The following PACRG variants were observed in gnomAD, a reference collection of about 807,000 sequenced individuals.
PACRG encodes the protein parkin coregulated.
Under a neutral mutation model 29.7 loss-of-function variants are expected in PACRG, and 29 were observed. The ratio of observed to expected loss-of-function variants is 0.98; its 90% CI spans 0.73 to 1.33. PACRG has a LOEUF of 1.33. Ranked by LOEUF, PACRG falls within the 40% of genes most tolerant of loss-of-function variation. The pLI is 0.00. For synonymous variants in PACRG, 116 were observed against 118.7 expected (o/e 0.98, Z 0.15); for missense variants, 279 against 316.2 (o/e 0.88, Z 0.89).
chr6:162,942,903 A>T (rs1798732767), intron 2 of PACRG, among the ~76,000 whole-genome samples: 1 of 152,250 alleles, frequency 6.6e-6, no homozygotes, highest in Non-Finnish European at 1.5e-5. Flanking sequence ...TAAGAAAGAC[A>T]CTGGAATTCA....
chr6:163,135,220 G>A lies in PACRG; in HGVS notation c.613+45812G>A, dbSNP rs748091018. On this transcript the variant is annotated intron_variant, in intron 4 of 4. Transcript: ENST00000366888. ...TTTTTTTAATTTTAGACAGAGTCTC[G>A]TTCTGTTGCCTGGGCTGGAGTACAG... is the stretch of plus-strand genomic sequence containing the variant. Among the ~76,000 whole-genome samples the A allele has an allele frequency of 7.2e-4, 105 of 146,486 alleles. 2 individuals are homozygous for A. The Admixed American group carries it at 7.2e-3, about 10-fold the overall frequency.
At chr6:162,938,331 T>C (rs552748537) in intron 2 of PACRG, among the ~76,000 whole-genome samples, 10 of 152,380 alleles carry the variant, frequency 6.6e-5, no homozygotes, top group African/African-American at 2.4e-4. Context: ...TCCATGTTTT[T>C]GCAATTGGGA....
intron 4 of PACRG, among the ~76,000 whole-genome samples, chr6:163,128,265 A>C (rs1816595359): frequency 6.6e-6 from 1 of 152,238 alleles, no homozygotes; most frequent in South Asian, 2.1e-4. Context: ...GAGTTTAAGC[A>C]TCCTCCTAAA....
chr6:163,308,889 G>A (rs1214360505), intron 4 of PACRG, among the ~76,000 whole-genome samples: 1 of 152,148 alleles, frequency 6.6e-6, no homozygotes, highest in East Asian at 1.9e-4. Context: ...GACTGATGAC[G>A]TCAAAGGTTA....
chr6:163,278,948 T>C (rs1784141398), intron 4 of PACRG, among the ~76,000 whole-genome samples: 1 of 152,226 alleles, frequency 6.6e-6, no homozygotes, highest in South Asian at 2.1e-4. Context: ...ACAATATTGA[T>C]TCTACCCACC....
At chr6:162,944,304 G>A (rs549614611) in intron 2 of PACRG, among the ~76,000 whole-genome samples, 1 of 152,240 alleles carries the variant, frequency 6.6e-6, no homozygotes, top group Admixed American at 6.5e-5. Context: ...AACATCATAG[G>A]TACATCTTGA....
chr6:163,276,297 G>A (rs958567708), intron 4 of PACRG, among the ~76,000 whole-genome samples: 1 of 152,134 alleles, frequency 6.6e-6, no homozygotes, highest in Non-Finnish European at 1.5e-5. Flanking sequence ...CAAAGTGCTG[G>A]AATTACAGGC....
intron 1 of PACRG, among the ~76,000 whole-genome samples, chr6:162,790,608 G>A (rs751120309): frequency 1.7e-4 from 26 of 151,758 alleles, no homozygotes; most frequent in African/African-American, 4.8e-4. Context: ...TTAATCACCC[G>A]TACTGCCCTT....
At chr6:163,180,454 A>G (rs1779600824) in intron 4 of PACRG, among the ~76,000 whole-genome samples, 1 of 152,140 alleles carries the variant, frequency 6.6e-6, no homozygotes, top group African/African-American at 2.4e-5. Context: ...AGAGTATGGA[A>G]AACACTGCTA....
intron 2 of PACRG, among the ~76,000 whole-genome samples, chr6:162,875,302 C>G (rs1197629639): frequency 3.3e-5 from 5 of 151,516 alleles, no homozygotes; most frequent in Non-Finnish European, 7.4e-5. Context: ...CACATGCACA[C>G]ACAGACATGC....
intron 4 of PACRG, among the ~76,000 whole-genome samples, chr6:163,307,085 A>G (rs2128192013): frequency 6.6e-6 from 1 of 152,314 alleles, no homozygotes; most frequent in South Asian, 2.1e-4. Flanking sequence ...AGTGTTGTAC[A>G]TTTCATAGAT....
At chr6:163,169,058 T>C (rs553747548) in intron 4 of PACRG, among the ~76,000 whole-genome samples, 13 of 152,348 alleles carry the variant, frequency 8.5e-5, no homozygotes, top group Non-Finnish European at 1.3e-4. Flanking sequence ...ATGGTCCTAA[T>C]TGTGTTATTA....
At chr6:163,071,265 T>A (rs1812025726) in intron 3 of PACRG, among the ~76,000 whole-genome samples, 1 of 110 alleles carries the variant, frequency 9.1e-3, no homozygotes. Flanking sequence ...AACATGTGGA[T>A]CATCTCAAGG....
intron 4 of PACRG, among the ~76,000 whole-genome samples, chr6:163,202,425 A>G (rs1291990176): frequency 2.0e-5 from 3 of 152,044 alleles, no homozygotes; most frequent in Non-Finnish European, 4.4e-5. Context: ...ATGTGTATAT[A>G]TGTGTATGTG....
intron 1 of PACRG, among the ~76,000 whole-genome samples, chr6:162,812,407 A>T (rs1389022183): frequency 1.3e-5 from 2 of 152,110 alleles, no homozygotes; most frequent in South Asian, 2.1e-4. Context: ...TTTGCACTAT[A>T]CACTGGCACT....
intron 4 of PACRG, among the ~76,000 whole-genome samples, chr6:163,251,642 T>G (rs150713470): frequency 1.3e-4 from 20 of 152,314 alleles, no homozygotes; most frequent in African/African-American, 4.3e-4. Flanking sequence ...TCCCTGTTAC[T>G]CATCCATTCT....
chr6:162,879,026 A>G (rs771115243), intron 2 of PACRG, among the ~76,000 whole-genome samples: 78 of 152,234 alleles, frequency 5.1e-4, no homozygotes, highest in Non-Finnish European at 8.2e-4. Context: ...TTGCATACAA[A>G]GGAGGAATCT....
intron 2 of PACRG, among the ~76,000 whole-genome samples, chr6:162,995,477 G>A (rs377318966): frequency 7.2e-5 from 11 of 152,316 alleles, no homozygotes; most frequent in South Asian, 2.1e-4. Flanking sequence ...GAAAAGCGCA[G>A]TATTCGGGTG....
rs541135675 is a variant in PACRG at position 162,896,563 on chromosome 6, A to G, written c.291+82282A>G. Among the ~76,000 whole-genome samples, 83 of 152,356 alleles carry G rather than the reference A, an allele frequency of 5.4e-4. 2 individuals carry two copies. In the South Asian group the frequency reaches 0.017, roughly 32 times the overall value. ...TGGATGTGTAAGAATTATAAAATGT[A>G]TAGGCTACCTGGGAAAACTATGATA... On this transcript the variant is annotated intron_variant, in intron 2 of 4. Transcript: ENST00000366888.
Sources: allele counts gnomAD v4.1 joint callset (sites outside exome capture counted in the v4.1 genomes callset), GRCh38; gene constraint gnomAD v4.1.1; transcripts MANE v1.5; gene names NCBI Gene and HGNC (gene_info 2026-07-23, HGNC 2026-07-21).